PCDH15: variants seen among roughly 807,000 people sequenced by gnomAD.
The protein encoded by PCDH15 is protocadherin related 15.
PCDH15 carries 129 observed loss-of-function variants against 178.5 expected under a neutral mutation model. The observed-to-expected ratio is 0.72, with a 90% CI of 0.63 to 0.84. PCDH15 has a LOEUF of 0.84. PCDH15 is among the 40% of genes least tolerant of loss of function. PCDH15 has a pLI of 0.00. For missense variants in PCDH15, 2,230 were observed against 2,099.9 expected (o/e 1.06, Z -1.21); for synonymous variants, 800 against 732.0 (o/e 1.09, Z -1.50).
intron 2 of PCDH15, among the ~76,000 whole-genome samples, chr10:55,358,315 T>C (rs1845130089): frequency 1.3e-5 from 2 of 152,128 alleles, no homozygotes; most frequent in African/African-American, 4.8e-5. Flanking sequence ...TTAGCAAGGA[T>C]GGTAGAAATG....
chr10:53,907,107 T>G (rs985908541), intron 25 of PCDH15: 1 of 152,218 alleles, frequency 6.6e-6, no homozygotes. Context: ...GTGTATACAA[T>G]GTACATGACA....
At chr10:55,431,351 T>G (rs1269542180) in intron 2 of PCDH15, among the ~76,000 whole-genome samples, 1 of 152,158 alleles carries the variant, frequency 6.6e-6, no homozygotes, top group Admixed American at 6.5e-5. Context: ...CATAGCTTGT[T>G]TCCTGCCTAC....
chr10:53,924,957 G>A (rs995030462), intron 25 of PCDH15, among the ~76,000 whole-genome samples: 7 of 152,208 alleles, frequency 4.6e-5, no homozygotes, highest in Non-Finnish European at 8.8e-5. Flanking sequence ...GATTGTAAAC[G>A]CACCAATCAG....
chr10:54,993,668 C>T (rs1839567197), intron 2 of PCDH15, among the ~76,000 whole-genome samples: 1 of 151,924 alleles, frequency 6.6e-6, no homozygotes, highest in South Asian at 2.1e-4. Flanking sequence ...ATGAGTTTTG[C>T]TGTGAAAAAA....
intron 2 of PCDH15, among the ~76,000 whole-genome samples, chr10:55,443,875 G>A (rs1048888741): frequency 2.0e-5 from 3 of 151,976 alleles, no homozygotes; most frequent in African/African-American, 7.2e-5. Context: ...CAAAGACTTG[G>A]GACCAACCAA....
chr10:55,263,150 C>G (rs972913122), intron 1 of PCDH15, among the ~76,000 whole-genome samples: 90 of 151,988 alleles, frequency 5.9e-4, no homozygotes, highest in African/African-American at 2.2e-3. Context: ...TTGTAAAACC[C>G]TGGCACTTCT....
At chr10:55,026,775 T>C (rs1467554422) in intron 2 of PCDH15, among the ~76,000 whole-genome samples, 2 of 151,948 alleles carry the variant, frequency 1.3e-5, no homozygotes, top group Non-Finnish European at 2.9e-5. Context: ...ACAGATGGCA[T>C]AGTCAGTTTT....
chr10:54,101,450 A>C (rs2094810717), intron 15 of PCDH15, among the ~76,000 whole-genome samples: 1 of 152,246 alleles, frequency 6.6e-6, no homozygotes, highest in Non-Finnish European at 1.5e-5. Flanking sequence ...TGAGTGAAAT[A>C]CACAATTCAC....
At chr10:55,218,308 A>G (rs1222065491) in intron 1 of PCDH15, among the ~76,000 whole-genome samples, 2 of 151,996 alleles carry the variant, frequency 1.3e-5, no homozygotes, top group Non-Finnish European at 2.9e-5. Context: ...TATGGAGTAC[A>G]TTGTATATTA....
Position 53,827,461 on chromosome 10 carries a change from T to A in PCDH15, c.4299A>T (p.Ala1433=), listed in dbSNP as rs1588968218. 1 of 1,613,278 alleles carries A rather than the reference T, an allele frequency of 6.2e-7. No individual in the cohort carries two copies. Among genetic ancestry groups the A allele is most frequent in the African/African-American group, 1.3e-5 (1 of 74,908 alleles). The part of the protein sequence containing the change: ...KPAVPAPAPV[A]APPPPPPPPP... Reference sequence around the variant, plus strand: ...GAGGCGGCGGCGGCGGCGGGGGCGCTGCCACTGGTGCAGGAGCCGGCACTG... The same window carrying A: ...GAGGCGGCGGCGGCGGCGGGGGCGCAGCCACTGGTGCAGGAGCCGGCACTG... Residue 1433 remains alanine, a synonymous_variant, in exon 32 of 38, where the codon GCA becomes GCT. Transcript: ENST00000644397.
intron 1 of PCDH15, among the ~76,000 whole-genome samples, chr10:54,685,959 T>G (rs2094991720): frequency 6.6e-6 from 1 of 152,082 alleles, no homozygotes; most frequent in Admixed American, 6.6e-5. Flanking sequence ...TGTGTGTGTG[T>G]GTTTATGTAT....
intron 2 of PCDH15, among the ~76,000 whole-genome samples, chr10:55,509,465 C>A (rs1840832234): frequency 6.6e-6 from 1 of 151,538 alleles, no homozygotes; most frequent in Admixed American, 6.6e-5. Context: ...GGGTATAACT[C>A]AAAAAAGAAT....
chr10:54,874,215 A>G (rs1954095595), intron 3 of PCDH15, among the ~76,000 whole-genome samples: 1 of 129,004 alleles, frequency 7.8e-6, no homozygotes, highest in East Asian at 2.3e-4. Context: ...GAGTGAGAAT[A>G]TGCGGTGTTT....
At chr10:54,040,160 CA>C (rs2093510584) in intron 18 of PCDH15, among the ~76,000 whole-genome samples, 1 of 151,934 alleles carries the variant, frequency 6.6e-6, no homozygotes, top group Admixed American at 6.6e-5. Context: ...TAAAATATGA[CA>C]AATGATGCCA....
chr10:55,571,692 A>G (rs976257065), intron 2 of PCDH15, among the ~76,000 whole-genome samples: 5 of 152,126 alleles, frequency 3.3e-5, no homozygotes, highest in African/African-American at 1.2e-4. Context: ...TTAGATTAAA[A>G]TCACACATAT....
chr10:54,727,258 A>G (rs1942693337), intron 1 of PCDH15, among the ~76,000 whole-genome samples: 2 of 151,600 alleles, frequency 1.3e-5, no homozygotes, highest in Admixed American at 1.3e-4. Flanking sequence ...CCACATTGAG[A>G]CCACAGCACA....
At chr10:54,750,894 T>C (rs949067580) in intron 1 of PCDH15, among the ~76,000 whole-genome samples, 4 of 152,096 alleles carry the variant, frequency 2.6e-5, no homozygotes, top group African/African-American at 9.6e-5. Flanking sequence ...AAAAGCTTAG[T>C]ATATGAACTT....
intron 17 of PCDH15, among the ~76,000 whole-genome samples, chr10:54,067,955 G>T (rs1227391752): frequency 1.4e-5 from 2 of 142,474 alleles, no homozygotes; most frequent in Non-Finnish European, 3.2e-5. Flanking sequence ...GGAGTCAAGT[G>T]ATTTTTTTTA....
intron 3 of PCDH15, among the ~76,000 whole-genome samples, chr10:54,466,492 A>G (rs1365928819): frequency 6.6e-6 from 1 of 151,812 alleles, no homozygotes; most frequent in African/African-American, 2.4e-5. Flanking sequence ...CTGTAAATAC[A>G]CAGATTTATT....
Sources: gnomAD v4.1 joint callset for allele counts (sites outside exome capture counted in the v4.1 genomes callset) on GRCh38, gnomAD v4.1.1 for gene constraint, MANE v1.5 for transcripts, NCBI Gene and HGNC (gene_info 2026-07-23, HGNC 2026-07-21) for gene names.